The following CDH22 variants were observed in gnomAD, a reference collection of about 807,000 sequenced individuals.
CDH22 encodes cadherin 22.
Under a neutral mutation model 58.4 loss-of-function variants are expected in CDH22, and 30 were observed. The ratio of observed to expected loss-of-function variants is 0.51; its 90% CI spans 0.38 to 0.70. CDH22 has a LOEUF of 0.70. Ranked by LOEUF, CDH22 falls within the 30% of genes least tolerant of loss-of-function variation. CDH22 has a pLI of 0.00. For missense variants in CDH22, 1,014 were observed against 1,233.9 expected, an observed-to-expected ratio of 0.82 and a Z score of 2.67; for synonymous variants, 513 against 558.2, an observed-to-expected ratio of 0.92 and a Z score of 1.14.
At chr20:46,182,969 C>T (rs990868734) in intron 10 of CDH22, among the ~76,000 whole-genome samples, 6 of 152,222 alleles carry the variant, frequency 3.9e-5, no homozygotes, top group Non-Finnish European at 7.4e-5. Flanking sequence ...ACCCTGTCCC[C>T]GGAGCTTACA....
chr20:46,230,824 G>T (rs1404713669), intron 3 of CDH22, among the ~76,000 whole-genome samples: 1 of 152,296 alleles, frequency 6.6e-6, no homozygotes, highest in African/African-American at 2.4e-5. Context: ...GGATCACTGT[G>T]AGAACTCAGA....
intron 1 of CDH22, among the ~76,000 whole-genome samples, chr20:46,264,071 C>T (rs1231382917): frequency 6.6e-6 from 1 of 152,168 alleles, no homozygotes; most frequent in African/African-American, 2.4e-5. Context: ...GAGGGAGAGA[C>T]ATCAAGAGTG....
chr20:46,256,681 G>A (rs1030007575), intron 1 of CDH22, among the ~76,000 whole-genome samples: 1 of 152,174 alleles, frequency 6.6e-6, no homozygotes, highest in Non-Finnish European at 1.5e-5. Context: ...GAGCAGAAGA[G>A]TGACATGATC....
chr20:46,197,697 C>T (rs2085916990), intron 8 of CDH22, among the ~76,000 whole-genome samples: 1 of 152,256 alleles, frequency 6.6e-6, no homozygotes, highest in South Asian at 2.1e-4. Context: ...TCTCCAGCCA[C>T]CTTTGTTATC....
intron 8 of CDH22, among the ~76,000 whole-genome samples, chr20:46,195,497 GA>G: frequency 6.6e-6 from 1 of 152,156 alleles, no homozygotes; most frequent in East Asian, 1.9e-4. Flanking sequence ...TGCTGTCCTG[GA>G]CATCTAGCTA....
chr20:46,280,897 C>A (rs1455305382), intron 1 of CDH22, among the ~76,000 whole-genome samples: 4 of 152,176 alleles, frequency 2.6e-5, no homozygotes, highest in Non-Finnish European at 5.9e-5. Context: ...TCTGGCTTAA[C>A]CCTGAATGCT....
Position 46,174,854 on chromosome 20 carries a change from G to GGCCCCCCCCCCCCCCCCCCC in CDH22, c.2138_2139insGGGGGGGGGGGGGGGGGGGC (p.Ser714GlyfsTer197). On this transcript the variant is annotated frameshift_variant, in exon 12 of 12. Transcript: ENST00000537909. LOFTEE classifies it low-confidence loss of function (END_TRUNC). The surrounding 1 kb of genome is among the most constrained non-coding windows in gnomAD (Gnocchi z 4.4). ...GGGGGCTGCCCGCGCCCCCGCCCGA[G>GGCCCCCCCCCCCCCCCCCCC]CCCCCGCCCGCTCCCCCGCCCGCGC... 1 of 1,113,908 alleles carries GGCCCCCCCCCCCCCCCCCCC rather than the reference G, an allele frequency of 9.0e-7. No homozygotes were observed. Among genetic ancestry groups the GGCCCCCCCCCCCCCCCCCCC allele is most frequent in the Non-Finnish European group, 1.2e-6 (1 of 858,962 alleles). The allele number at this position is 1,113,908 out of a possible 1,614,324, so 69.0% of individuals were successfully genotyped here.
intron 4 of CDH22, among the ~76,000 whole-genome samples, chr20:46,222,078 C>G (rs192296266): frequency 6.6e-6 from 1 of 152,316 alleles, no homozygotes; most frequent in East Asian, 1.9e-4. Context: ...CCTCTGTTTC[C>G]TCTTATGTGA....
rs550985082 is a variant in CDH22, at chr20:46,215,994, C to T, written c.838+832G>A. Among the ~76,000 whole-genome samples, 9 of 152,300 alleles carry T rather than the reference C, an allele frequency of 5.9e-5. No individual in the cohort carries two copies. The South Asian group carries it at 6.2e-4, about 11-fold the overall frequency. On this transcript the variant is annotated intron_variant, in intron 5 of 11. Coordinates refer to ENST00000537909, the MANE Select transcript of CDH22 (RefSeq NM_021248.3). ...GAGGCTGTAGGCCACAATGATGCTG[C>T]GCTCTCAGCTAAGGGATTGGATTCC...
intron 1 of CDH22, among the ~76,000 whole-genome samples, chr20:46,301,367 G>GGCTCA: frequency 6.6e-6 from 1 of 152,162 alleles, no homozygotes; most frequent in East Asian, 1.9e-4. Context: ...AGGAAACAGA[G>GGCTCA]GCTCACTCAG....
chr20:46,260,301 C>A (rs937540689), intron 1 of CDH22, among the ~76,000 whole-genome samples: 1 of 152,202 alleles, frequency 6.6e-6, no homozygotes, highest in African/African-American at 2.4e-5. Context: ...AAAGACAGAA[C>A]AATCTGTGTC....
At chr20:46,193,825 A>G (rs1252915185) in intron 8 of CDH22, among the ~76,000 whole-genome samples, 1 of 152,048 alleles carries the variant, frequency 6.6e-6, no homozygotes, top group South Asian at 2.1e-4. Context: ...CTTTCTGCCC[A>G]TGGAAAAACT....
chr20:46,208,600 A>T (rs2425781), intron 7 of CDH22, among the ~76,000 whole-genome samples: 40,252 of 151,398 alleles, frequency 0.27, 5,702 homozygotes, highest in Middle Eastern at 0.42. Context: ...TTAATTAATT[A>T]ATTTATTTAT....
chr20:46,265,943 G>C lies in CDH22; in HGVS notation c.-399-14250C>G, dbSNP rs945023680. 2.4e-5 allele frequency among the ~76,000 whole-genome samples: 3 copies of C among 123,252 alleles called. No individual in the cohort carries two copies. The Admixed American group carries it at 2.6e-4, about 11-fold the overall frequency. 80.9% of individuals were successfully genotyped at this position (123,252 alleles called of 152,430 possible). A position where few individuals can be genotyped will look rare whatever the true frequency, so the allele number is the denominator to read the frequency against. On this transcript the variant is annotated intron_variant, in intron 1 of 11. Transcript: ENST00000537909. ...TGGGAGCTGTGCACACATTCACACA[G>C]ATACACACACACACACACACACACA...
chr20:46,290,850 G>A (rs1335569659), intron 1 of CDH22, among the ~76,000 whole-genome samples: 2 of 152,178 alleles, frequency 1.3e-5, no homozygotes, highest in Admixed American at 6.5e-5. Context: ...TCTATGGGGG[G>A]TGTGTTTGGA....
At chr20:46,191,641 G>A (rs775343745) in intron 8 of CDH22, among the ~76,000 whole-genome samples, 20 of 152,162 alleles carry the variant, frequency 1.3e-4, no homozygotes, top group Admixed American at 1.0e-3. Context: ...ATGAGGAAAC[G>A]GGCTCAGAGG....
At chr20:46,236,229 G>C (rs1032290363) in intron 3 of CDH22, among the ~76,000 whole-genome samples, 1 of 151,804 alleles carries the variant, frequency 6.6e-6, no homozygotes, top group Admixed American at 6.6e-5. Context: ...CAGAAACGCT[G>C]GGGGGGACAA....
chr20:46,277,320 G>T (rs1032779113), intron 1 of CDH22, among the ~76,000 whole-genome samples: 8 of 152,260 alleles, frequency 5.3e-5, no homozygotes, highest in Middle Eastern at 3.4e-3. Flanking sequence ...TGTTGGCAGG[G>T]TTTACCTCTG....
At position 46,241,065 on chromosome 20, in the gene CDH22, G is replaced by C. The variant is rs1336746881; in HGVS notation, c.448C>G (p.Pro150Ala). The C allele has an allele frequency of 1.2e-6, 2 of 1,614,170 alleles. No homozygotes were observed. Among genetic ancestry groups the C allele is most frequent in the Admixed American group, 1.7e-5 (1 of 60,022 alleles). Residue 150 changes from proline to alanine, a missense_variant, in exon 3 of 12, where the codon CCC becomes GCC. Coordinates refer to ENST00000537909, the MANE Select transcript of CDH22 (RefSeq NM_021248.3). This position sits in a 1 kb window ranked among gnomAD's most constrained non-coding sequence, Gnocchi z 5.2. The stretch of plus-strand genomic sequence containing the variant: ...ACCTTGATGATGAACTCCGACTCGG[G>C]CTCCAGTAGGCGGTTGGTGGCGCGA... ...RDRATNRLLE[P>A]ESEFIIKVQD...
Sources: allele counts gnomAD v4.1 joint callset (sites outside exome capture counted in the v4.1 genomes callset), GRCh38; gene constraint gnomAD v4.1.1; non-coding constraint Gnocchi (gnomAD v3.1); transcripts MANE v1.5; gene names NCBI Gene and HGNC (gene_info 2026-07-23, HGNC 2026-07-21).